RIPK1: variants seen among roughly 807,000 people sequenced by gnomAD.
RIPK1 encodes receptor-interacting serine/threonine-protein kinase 1.
RIPK1 carries 27 observed loss-of-function variants against 62.4 expected under a neutral mutation model. The ratio of observed to expected loss-of-function variants is 0.43; its 90% CI spans 0.32 to 0.60. The LOEUF (loss-of-function observed/expected upper bound fraction) is 0.60, where lower values mean the gene tolerates loss of function less well. Among genes scored for constraint, RIPK1 ranks in the 20% least tolerant of loss-of-function variants. The pLI is 0.07. For synonymous variants in RIPK1, 287 were observed against 303.2 expected (o/e 0.95, Z 0.55); for missense variants, 735 against 831.0 (o/e 0.88, Z 1.42).
chr6:3,108,044 A>G (rs753894703), intron 9 of RIPK1, among the ~76,000 whole-genome samples: 5 of 151,734 alleles, frequency 3.3e-5, no homozygotes, highest in Admixed American at 6.6e-5. Context: ...TCCTAACTCT[A>G]TACCAAAATA....
intron 6 of RIPK1, among the ~76,000 whole-genome samples, chr6:3,087,530 C>G (rs113844405): frequency 6.7e-6 from 1 of 149,206 alleles, no homozygotes; most frequent in Non-Finnish European, 1.5e-5. Context: ...TGTTTCTCCT[C>G]GATTCCACAG....
At chr6:3,070,476 C>T (rs755852708) in intron 1 of RIPK1, among the ~76,000 whole-genome samples, 2 of 152,174 alleles carry the variant, frequency 1.3e-5, no homozygotes, top group Non-Finnish European at 2.9e-5. Context: ...CTTGCTCTGT[C>T]ACCCAGGCTG....
At chr6:3,079,187 C>G (rs1209855154) in intron 3 of RIPK1, among the ~76,000 whole-genome samples, 1 of 152,162 alleles carries the variant, frequency 6.6e-6, no homozygotes. Flanking sequence ...TCAAGCAACT[C>G]TCCTGCCTCA....
chr6:3,065,333 G>C (rs1270448051), upstream of RIPK1, among the ~76,000 whole-genome samples: 3 of 151,322 alleles, frequency 2.0e-5, no homozygotes, highest in South Asian at 2.1e-4. Context: ...GGCGGGGGTG[G>C]CTGGGGGTGC....
At chr6:3,097,782 G>A (rs900256949) in intron 7 of RIPK1, among the ~76,000 whole-genome samples, 1 of 151,586 alleles carries the variant, frequency 6.6e-6, no homozygotes, top group East Asian at 1.9e-4. Flanking sequence ...ATTTATAAAC[G>A]AATTCATTGT....
Position 3,080,845 on chromosome 6 carries a change from C to CTGTG in RIPK1, c.322-133_322-130dup, listed in dbSNP as rs1759339359. ...TTCTTGTTTCCCAGTGACAGCAGTACTGTGGTGCACCTGCTGGAAGGAAAC... is the reference window on the plus strand; with the variant it reads ...TTCTTGTTTCCCAGTGACAGCAGTACTGTGTGTGGTGCACCTGCTGGAAGGAAAC... On this transcript the variant is annotated intron_variant, in intron 3 of 10. Coordinates refer to ENST00000259808, the MANE Select transcript of RIPK1 (RefSeq NM_001354930.2). 6.4e-6 allele frequency: 4 copies of CTGTG among 620,804 alleles called. No individual in the cohort carries two copies. The South Asian group carries it at 8.1e-5, about 13-fold the overall frequency. The allele number at this position is 620,804 out of a possible 1,614,324, so 38.5% of individuals were successfully genotyped here.
chr6:3,071,590 G>C (rs1758714312), intron 1 of RIPK1, among the ~76,000 whole-genome samples: 1 of 152,124 alleles, frequency 6.6e-6, no homozygotes, highest in South Asian at 2.1e-4. Context: ...TACTCACAAG[G>C]CCTTCCTAAG....
At chr6:3,107,426 A>G (rs1760911691) in intron 9 of RIPK1, among the ~76,000 whole-genome samples, 1 of 148,094 alleles carries the variant, frequency 6.8e-6, no homozygotes, top group Non-Finnish European at 1.5e-5. Context: ...AAAGCTGGGC[A>G]TAGTGGCGTG....
intron 4 of RIPK1, 80 bp from the exon 5 acceptor site, chr6:3,083,005 A>G (rs1181281127): frequency 2.1e-6 from 3 of 1,424,752 alleles, no homozygotes; most frequent in Non-Finnish European, 3.0e-6. Context: ...TGTATAATGG[A>G]TAAGCCCAAA....
intron 5 of RIPK1, among the ~76,000 whole-genome samples, chr6:3,084,845 A>G (rs953396341): frequency 6.6e-6 from 1 of 151,514 alleles, no homozygotes; most frequent in African/African-American, 2.4e-5. Flanking sequence ...GCCTGTCTCA[A>G]CCTCCCAAAG....
intron 7 of RIPK1, among the ~76,000 whole-genome samples, chr6:3,102,563 C>T (rs1195787860): frequency 3.3e-5 from 5 of 152,058 alleles, no homozygotes; most frequent in Admixed American, 6.6e-5. Flanking sequence ...TATATATATC[C>T]GGGTGTGGAA....
chr6:3,066,028 G>A (rs1268152067), upstream of RIPK1, among the ~76,000 whole-genome samples: 3 of 152,102 alleles, frequency 2.0e-5, no homozygotes, highest in Non-Finnish European at 4.4e-5. Flanking sequence ...GGAACGTGGA[G>A]TTTTTTATTT....
Position 3,114,550 on chromosome 6 carries a change from C to G in RIPK1, c.*1211C>G, listed in dbSNP as rs768825242. The G allele has an allele frequency of 1.3e-5, 2 of 152,212 alleles. No homozygotes were observed. Among genetic ancestry groups the G allele is most frequent in the African/African-American group, 4.8e-5 (2 of 41,410 alleles). The allele number at this position is 152,212 out of a possible 1,614,324, so 9.4% of individuals were successfully genotyped here. ...TGCTTAGCTCTCCCCAGAGGGAGGG[C>G]GAGAAGGGTGTGGTGATGGTCAATC... On this transcript the variant is annotated 3_prime_UTR_variant, in exon 11 of 11. Transcript: ENST00000259808. The surrounding 1 kb of genome is among the most constrained non-coding windows in gnomAD (Gnocchi z 5.0).
chr6:3,104,517 T>A (rs1285759722), intron 8 of RIPK1, among the ~76,000 whole-genome samples: 1 of 152,062 alleles, frequency 6.6e-6, no homozygotes, highest in Non-Finnish European at 1.5e-5. Flanking sequence ...TCACCAGTCA[T>A]AGAGTGTTCT....
chr6:3,106,149 G>A lies in RIPK1; in HGVS notation c.1576+98G>A, dbSNP rs182032789. On this transcript the variant is annotated intron_variant, in intron 9 of 10. Coordinates refer to ENST00000259808, the MANE Select transcript of RIPK1 (RefSeq NM_001354930.2). The stretch of plus-strand genomic sequence containing the variant: ...ATTATAGATTGTGGGTTATAATGGG[G>A]ACAGAGGGCATCATCAGCTGCCAGA... 92 of 936,170 alleles carry A rather than the reference G, an allele frequency of 9.8e-5. 1 individual carries two copies. The Admixed American group carries it at 2.2e-3, about 22-fold the overall frequency. 58.0% of individuals were successfully genotyped at this position (936,170 alleles called of 1,614,324 possible).
chr6:3,065,422 G>C (rs1360783887), upstream of RIPK1, among the ~76,000 whole-genome samples: 1 of 151,994 alleles, frequency 6.6e-6, no homozygotes, highest in African/African-American at 2.4e-5. Flanking sequence ...CCCGACAGTG[G>C]GGAGTGGCTC....
At chr6:3,112,772 C>T (rs1419769512) in intron 10 of RIPK1, among the ~76,000 whole-genome samples, 2 of 152,176 alleles carry the variant, frequency 1.3e-5, no homozygotes, top group Non-Finnish European at 2.9e-5. Context: ...CTCCCGGGTT[C>T]AAGTGATCCT....
chr6:3,079,652 T>A (rs1187904981), intron 3 of RIPK1, among the ~76,000 whole-genome samples: 2 of 152,200 alleles, frequency 1.3e-5, no homozygotes, highest in Non-Finnish European at 2.9e-5. Context: ...ATACTCCCAC[T>A]TTTCCACTTT....
chr6:3,081,218 A>C, intron 4 of RIPK1, 102 bp downstream of exon 4: 1 of 1,336,810 alleles, frequency 7.5e-7, no homozygotes, highest in Non-Finnish European at 1.0e-6. Context: ...AGGAAGACCT[A>C]GCTCAGCTTA....
Sources: allele counts gnomAD v4.1 joint callset (sites outside exome capture counted in the v4.1 genomes callset), GRCh38; gene constraint gnomAD v4.1.1; non-coding constraint Gnocchi (gnomAD v3.1); transcripts MANE v1.5; gene names NCBI Gene and HGNC (gene_info 2026-07-23, HGNC 2026-07-21).